The following LPP variants were observed in gnomAD, a reference collection of about 807,000 sequenced individuals.
LPP encodes the protein lipoma-preferred partner.
A neutral mutation model predicts 60.4 loss-of-function variants in LPP; 38 were observed. The observed-to-expected ratio is 0.63, with a 90% CI of 0.49 to 0.83. LPP has a LOEUF of 0.83. LPP is among the 40% of genes least tolerant of loss of function. The probability of loss-of-function intolerance (pLI) is 0.00; values close to 1 mark genes in which losing one functional copy is unlikely to be tolerated. For synonymous variants in LPP, 328 were observed against 290.8 expected (o/e 1.13, Z -1.30); for missense variants, 902 against 783.6 (o/e 1.15, Z -1.80).
At chr3:188,247,381 G>A (rs1727354348) in intron 2 of LPP, among the ~76,000 whole-genome samples, 1 of 151,946 alleles carries the variant, frequency 6.6e-6, no homozygotes, top group African/African-American at 2.4e-5. Flanking sequence ...TAAGGATGTT[G>A]TCAAAACTAA....
chr3:188,281,847 A>C (rs1742193424), intron 2 of LPP, among the ~76,000 whole-genome samples: 1 of 152,188 alleles, frequency 6.6e-6, no homozygotes, highest in Non-Finnish European at 1.5e-5. Context: ...ATTTGTATAA[A>C]ATTTAAATTC....
chr3:188,226,908 A>C (rs75127350), intron 2 of LPP, among the ~76,000 whole-genome samples: 177 of 152,342 alleles, frequency 1.2e-3, no homozygotes, highest in Non-Finnish European at 1.9e-3. Flanking sequence ...AAGGCTGGAA[A>C]CCACTGGTTT....
intron 4 of LPP, among the ~76,000 whole-genome samples, chr3:188,436,885 C>T (rs962273988): frequency 7.9e-5 from 12 of 151,704 alleles, no homozygotes; most frequent in East Asian, 3.9e-4. Context: ...TGGGGTGGCA[C>T]GGCCAGCTTT....
chr3:188,641,519 A>T (rs1850121539), intron 7 of LPP, among the ~76,000 whole-genome samples: 2 of 152,196 alleles, frequency 1.3e-5, no homozygotes, highest in African/African-American at 4.8e-5. Context: ...CACAGTAATA[A>T]GGCTCCTAAT....
chr3:188,361,372 A>G (rs1037966933), intron 3 of LPP, among the ~76,000 whole-genome samples: 4 of 152,044 alleles, frequency 2.6e-5, no homozygotes, highest in Non-Finnish European at 4.4e-5. Context: ...TTTCTATCAC[A>G]AAAATGCCTA....
chr3:188,311,916 G>T (rs1296485725), intron 2 of LPP, among the ~76,000 whole-genome samples: 1 of 152,090 alleles, frequency 6.6e-6, no homozygotes, highest in Non-Finnish European at 1.5e-5. Flanking sequence ...TGGGATTACA[G>T]GTGTGAGCCA....
chr3:188,783,454 A>G (rs1039738408), intron 9 of LPP, among the ~76,000 whole-genome samples: 2 of 152,210 alleles, frequency 1.3e-5, no homozygotes, highest in Non-Finnish European at 2.9e-5. Flanking sequence ...TAATGCAGGA[A>G]TAGAAAAACT....
At chr3:188,289,644 T>A (rs916330218) in intron 2 of LPP, among the ~76,000 whole-genome samples, 1 of 152,156 alleles carries the variant, frequency 6.6e-6, no homozygotes, top group African/African-American at 2.4e-5. Flanking sequence ...AACACATGTT[T>A]TTTTCATGGT....
chr3:188,817,733 A>T (rs1752849244), intron 9 of LPP, among the ~76,000 whole-genome samples: 1 of 152,198 alleles, frequency 6.6e-6, no homozygotes, highest in Non-Finnish European at 1.5e-5. Context: ...ATACAGAACA[A>T]AAATGGAAAA....
intron 2 of LPP, among the ~76,000 whole-genome samples, chr3:188,303,688 A>G (rs1181220958): frequency 6.6e-6 from 1 of 152,182 alleles, no homozygotes; most frequent in Non-Finnish European, 1.5e-5. Context: ...CTTGTGGTGA[A>G]TAATGAGGAG....
chr3:188,404,509 G>C (rs973097945), intron 3 of LPP, among the ~76,000 whole-genome samples: 1 of 152,128 alleles, frequency 6.6e-6, no homozygotes, highest in African/African-American at 2.4e-5. Context: ...CCTCCAAAGT[G>C]CTCGGATTAG....
chr3:188,764,035 T>C (rs549545662), intron 9 of LPP, among the ~76,000 whole-genome samples: 1 of 152,302 alleles, frequency 6.6e-6, no homozygotes, highest in Non-Finnish European at 1.5e-5. Flanking sequence ...AAGCACATTA[T>C]GTCTTAGTTA....
chr3:188,416,353 C>T (rs1260378773), intron 4 of LPP, among the ~76,000 whole-genome samples: 1 of 152,144 alleles, frequency 6.6e-6, no homozygotes, highest in African/African-American at 2.4e-5. Context: ...GGTCCCATCA[C>T]AATTTTACAG....
At chr3:188,401,025 T>A (rs558274421) in intron 3 of LPP, among the ~76,000 whole-genome samples, 1 of 152,216 alleles carries the variant, frequency 6.6e-6, no homozygotes, top group Non-Finnish European at 1.5e-5. Flanking sequence ...ATATTAGAGC[T>A]GATTGGGACT....
intron 1 of LPP, among the ~76,000 whole-genome samples, chr3:188,167,018 A>C (rs927355249): frequency 1.3e-5 from 2 of 152,192 alleles, no homozygotes; most frequent in Non-Finnish European, 2.9e-5. Flanking sequence ...AACTACATGG[A>C]TGGTTTGGAG....
At chr3:188,809,401 T>C (rs1172504189) in intron 9 of LPP, among the ~76,000 whole-genome samples, 1 of 152,200 alleles carries the variant, frequency 6.6e-6, no homozygotes, top group Admixed American at 6.5e-5. Context: ...TGGCATCTCA[T>C]TGTGATTTTG....
intron 9 of LPP, among the ~76,000 whole-genome samples, chr3:188,805,488 T>G (rs1264957913): frequency 1.3e-5 from 2 of 151,546 alleles, no homozygotes; most frequent in Non-Finnish European, 2.9e-5. Flanking sequence ...TATTTCTTTT[T>G]TTTCTTCTTG....
Position 188,881,360 on chromosome 3 carries a change from A to C in LPP, c.*6881A>C, listed in dbSNP as rs922397196. ...TCACCAACTCATTCAGCTTTTCTTC[A>C]CTTATTGACATAGTGTCATGTCCTA... On this transcript the variant is annotated 3_prime_UTR_variant, in exon 12 of 12. Transcript: ENST00000617246. 2 of 198,488 alleles carry C rather than the reference A, an allele frequency of 1.0e-5. No individual in the cohort carries two copies. The highest frequency in any genetic ancestry group is 4.6e-5 in the African/African-American group (2 of 43,468). 12.3% of individuals were successfully genotyped at this position (198,488 alleles called of 1,614,324 possible).
intron 7 of LPP, among the ~76,000 whole-genome samples, chr3:188,629,928 G>A (rs1007721771): frequency 6.6e-6 from 1 of 151,882 alleles, no homozygotes; most frequent in Non-Finnish European, 1.5e-5. Flanking sequence ...TAATCATGCT[G>A]CACACCTACA....
Sources: allele counts gnomAD v4.1 joint callset (sites outside exome capture counted in the v4.1 genomes callset), GRCh38; gene constraint gnomAD v4.1.1; transcripts MANE v1.5; gene names NCBI Gene and HGNC (gene_info 2026-07-23, HGNC 2026-07-21).